The following HTD2 variants were observed in gnomAD, a reference collection of about 807,000 sequenced individuals.
The protein encoded by HTD2 is hydroxyacyl-thioester dehydratase type 2, also known as hydroxyacyl-thioester dehydratase type 2, mitochondrial.
Under a neutral mutation model 3.1 loss-of-function variants are expected in HTD2, and 1 was observed. The ratio of observed to expected loss-of-function variants is 0.32; its 90% CI spans 0.11 to 1.52. The LOEUF is 1.52. Among genes scored for constraint, HTD2 ranks in the 40% most tolerant of loss-of-function variants. The pLI is 0.39. For missense variants in HTD2, 150 were observed against 79.6 expected (o/e 1.88, Z -3.36); for synonymous variants, 50 against 28.9 (o/e 1.73, Z -2.34).
In HTD2 at chr3:58,318,755, T is replaced by C. The variant is rs2097491210; in HGVS notation, c.*635T>C. On this transcript the variant is annotated 3_prime_UTR_variant, in exon 5 of 5. Coordinates refer to ENST00000461393, the MANE Select transcript of HTD2 (RefSeq NM_001348712.2). ...CAGCTCACGCCTGTAATCCCAGCAT[T>C]TTGGGAGGCTGAGGCAGGCGAATCA... The C allele has an allele frequency of 6.6e-6, 1 of 151,656 alleles. No homozygotes were observed. The highest frequency in any genetic ancestry group is 1.5e-5 in the Non-Finnish European group (1 of 67,998). The allele number at this position is 151,656 out of a possible 1,614,324, so 9.4% of individuals were successfully genotyped here.
In HTD2 at chr3:58,319,924, A is replaced by AT. The variant is rs1428969695; in HGVS notation, c.*1810dup. The AT allele has an allele frequency of 5.9e-5, 9 of 152,080 alleles. No homozygotes were observed. Among genetic ancestry groups the AT allele is most frequent in the Non-Finnish European group, 1.2e-4 (8 of 68,018 alleles). 9.4% of individuals were successfully genotyped at this position (152,080 alleles called of 1,614,324 possible). ...AAGTTGTACAACCATCACCAAATCA[A>AT]TTTTTTATAGCATTTTTCATCACCC... On this transcript the variant is annotated 3_prime_UTR_variant, in exon 5 of 5. Transcript: ENST00000461393.
chr3:58,314,372 A>G (rs1220196390), intron 2 of HTD2, among the ~76,000 whole-genome samples: 1 of 152,204 alleles, frequency 6.6e-6, no homozygotes, highest in East Asian at 1.9e-4. Context: ...AGTAATAATA[A>G]TAAAAAAGAA....
chr3:58,315,479 A>G (rs964379631), intron 2 of HTD2, among the ~76,000 whole-genome samples: 1 of 152,140 alleles, frequency 6.6e-6, no homozygotes, highest in Non-Finnish European at 1.5e-5. Flanking sequence ...ATATGAAGCT[A>G]CCTATGTGGG....
Position 58,310,698 on chromosome 3 carries a change from G to A in HTD2, c.-331+107G>A, listed in dbSNP as rs563314568. The A allele has an allele frequency of 6.1e-5, 51 of 836,420 alleles. 1 individual carries two copies. In the Admixed American group the frequency reaches 8.5e-4, roughly 14 times the overall value. The allele number at this position is 836,420 out of a possible 1,614,324, so 51.8% of individuals were successfully genotyped here. A position where few individuals can be genotyped will look rare whatever the true frequency, so the allele number is the denominator to read the frequency against. ...CTGTAATCCCAGCACTTTGGAGGCC[G>A]AGGTGGGCAGATCATGAGGTCAAGA... is the stretch of plus-strand genomic sequence containing the variant. On this transcript the variant is annotated intron_variant, in intron 2 of 4. Coordinates refer to ENST00000461393, the MANE Select transcript of HTD2 (RefSeq NM_001348712.2).
Position 58,309,870 on chromosome 3 carries a change from C to A in HTD2, c.-415-637C>A, listed in dbSNP as rs188908638. Among the ~76,000 whole-genome samples, 178 of 151,466 alleles carry A rather than the reference C, an allele frequency of 1.2e-3. 1 individual carries two copies. The highest frequency in any genetic ancestry group is 9.2e-3 in the Admixed American group (139 of 15,182). On this transcript the variant is annotated intron_variant, in intron 1 of 4. Transcript: ENST00000461393. Reference sequence around the variant, plus strand: ...TTGTGCCACTGCACTCCAGCCTGGGCGACAGAGCAAGACTCCTTCTCCAAA... The same window carrying A: ...TTGTGCCACTGCACTCCAGCCTGGGAGACAGAGCAAGACTCCTTCTCCAAA...
chr3:58,316,675 A>G, intron 3 of HTD2, 84 bp downstream of exon 3: 1 of 1,277,802 alleles, frequency 7.8e-7, no homozygotes, highest in Non-Finnish European at 1.1e-6. Flanking sequence ...GAATGAGAAT[A>G]AATTTTTTGT....
Position 58,318,084 on chromosome 3 carries a change from G to T in HTD2, c.471G>T (p.Trp157Cys), listed in dbSNP as rs1336381003. 1.9e-5 allele frequency: 13 copies of T among 671,682 alleles called. No individual in the cohort carries two copies. The highest frequency in any genetic ancestry group is 3.2e-5 in the Non-Finnish European group (12 of 373,708). 41.6% of individuals were successfully genotyped at this position (671,682 alleles called of 1,614,324 possible). ...GTAAAAAGACTGTTATGGAAGGCTGGGTTAAAGTTATGGTTCCAGAAGCTT... is the reference window on the plus strand; with the variant it reads ...GTAAAAAGACTGTTATGGAAGGCTGTGTTAAAGTTATGGTTCCAGAAGCTT... ...IESKKTVMEG[W>C]VKVMVPEASK... is the part of the protein sequence containing the mutation. The change falls in exon 5 of 5, where the codon TGG becomes TGT. Residue 157 changes from tryptophan (W) to cysteine (C), a missense_variant. Transcript: ENST00000461393.
At chr3:58,310,485 T>C (rs1421465643) in intron 1 of HTD2, 22 bp from the exon 2 acceptor site, 1 of 1,599,050 alleles carries the variant, frequency 6.3e-7, no homozygotes, top group Middle Eastern at 1.7e-4. Context: ...AATATGACTT[T>C]TTTTTTTTTC....
Position 58,320,191 on chromosome 3 carries a change from A to G in HTD2, c.*2071A>G, listed in dbSNP as rs935514692. ...GAATAATATTCCATTGTATTTACCC[A>G]TACATCAGTTGATATTTGGATTATT... is the stretch of plus-strand genomic sequence containing the variant. On this transcript the variant is annotated 3_prime_UTR_variant, in exon 5 of 5. Transcript: ENST00000461393. 6.6e-6 allele frequency: 1 copy of G among 152,124 alleles called. No individual in the cohort carries two copies. The highest frequency in any genetic ancestry group is 2.4e-5 in the African/African-American group (1 of 41,436). The allele number at this position is 152,124 out of a possible 1,614,324, so 9.4% of individuals were successfully genotyped here. A position where few individuals can be genotyped will look rare whatever the true frequency, so the allele number is the denominator to read the frequency against.
At chr3:58,314,247 AG>A (rs2097485594) in intron 2 of HTD2, among the ~76,000 whole-genome samples, 1 of 152,198 alleles carries the variant, frequency 6.6e-6, no homozygotes, top group South Asian at 2.1e-4. Context: ...GCTACTCGGG[AG>A]GTTAAGGCAG....
chr3:58,306,574 G>C lies in HTD2; in HGVS notation c.-493G>C, dbSNP rs1268233953. 2 of 152,238 alleles carry C rather than the reference G, an allele frequency of 1.3e-5. No individual in the cohort carries two copies. Among genetic ancestry groups the C allele is most frequent in the Non-Finnish European group, 1.5e-5 (1 of 68,040 alleles). The allele number at this position is 152,238 out of a possible 1,614,324, so 9.4% of individuals were successfully genotyped here. A position where few individuals can be genotyped will look rare whatever the true frequency, so the allele number is the denominator to read the frequency against. On this transcript the variant is annotated 5_prime_UTR_variant, in exon 1 of 5. Transcript: ENST00000461393. The stretch of plus-strand genomic sequence containing the variant: ...TCTGTACGGCGCCGCGTAGGGTCTC[G>C]GCCGCAGAACGTGGCCGAGAGGCCC...
At chr3:58,308,239 T>G (rs2097477809) in intron 1 of HTD2, among the ~76,000 whole-genome samples, 1 of 152,130 alleles carries the variant, frequency 6.6e-6, no homozygotes, top group African/African-American at 2.4e-5. Context: ...ACTATCACTT[T>G]TCTCTCATTT....
intron 2 of HTD2, among the ~76,000 whole-genome samples, chr3:58,313,818 A>C (rs1171406376): frequency 2.0e-5 from 3 of 152,216 alleles, no homozygotes; most frequent in Non-Finnish European, 4.4e-5. Context: ...GAAAGGATGA[A>C]AAGATGAATT....
intron 2 of HTD2, among the ~76,000 whole-genome samples, chr3:58,312,991 C>T (rs1174611384): frequency 1.5e-5 from 2 of 135,220 alleles, no homozygotes; most frequent in Non-Finnish European, 3.1e-5. Flanking sequence ...GGGCTGGGCA[C>T]GGTAGCTCAC....
rs2107512984 is a variant in HTD2 at position 58,319,296 on chromosome 3, C to G, written c.*1176C>G. 1 of 152,318 alleles carries G rather than the reference C, an allele frequency of 6.6e-6. No homozygotes were observed. Among genetic ancestry groups the G allele is most frequent in the Non-Finnish European group, 1.5e-5 (1 of 68,038 alleles). 9.4% of individuals were successfully genotyped at this position (152,318 alleles called of 1,614,324 possible). On this transcript the variant is annotated 3_prime_UTR_variant, in exon 5 of 5. Transcript: ENST00000461393. ...TTTCAGGGGAGGGGCGTATGTGCAT[C>G]CTCGGTCTCAGTTATGTAAACGGTC...
chr3:58,317,344 G>C, intron 4 of HTD2, 96 bp from the exon 5 acceptor site: 1 of 802,098 alleles, frequency 1.2e-6, no homozygotes, highest in South Asian at 1.7e-5. Context: ...TCCTGCATCA[G>C]CTTTGTTTAT....
chr3:58,313,709 C>T (rs1196940518), intron 2 of HTD2, among the ~76,000 whole-genome samples: 1 of 152,118 alleles, frequency 6.6e-6, no homozygotes, highest in African/African-American at 2.4e-5. Context: ...CTGATAGTCC[C>T]AACTAGTCAG....
In HTD2 at chr3:58,317,993, C is replaced by T; in HGVS notation, c.380C>T (p.Ser127Phe). The T allele has an allele frequency of 1.4e-6, 1 of 702,884 alleles. No homozygotes were observed. The allele number at this position is 702,884 out of a possible 1,614,324, so 43.5% of individuals were successfully genotyped here. The part of the protein sequence containing the change: ...PLYIGEVVLA[S>F]AEVKKLKRFI... ...TATATTGGAGAAGTTGTTTTAGCTT[C>T]TGCAGAAGTGAAAAAGCTGAAGCGG... The change falls in exon 5 of 5, where the codon TCT becomes TTT. Residue 127 changes from serine (S) to phenylalanine (F), a missense_variant. Ser to Phe is a radical substitution (Grantham distance 155). Coordinates refer to ENST00000461393, the MANE Select transcript of HTD2 (RefSeq NM_001348712.2).
In HTD2 at chr3:58,310,533, T is replaced by C. The variant is rs2097481051; in HGVS notation, c.-389T>C. The C allele has an allele frequency of 6.2e-7, 1 of 1,612,150 alleles. No homozygotes were observed. The highest frequency in any genetic ancestry group is 8.5e-7 in the Non-Finnish European group (1 of 1,179,512). On this transcript the variant is annotated 5_prime_UTR_variant, in exon 2 of 5. An upstream open reading frame in the 5' UTR loses its in-frame stop. Transcript: ENST00000461393. Reference sequence around the variant, plus strand: ...GAATTTCAAGATTGTGGAGTTGGACTGAATGCTGCACAGTTCAAACAGCTG... The same window carrying C: ...GAATTTCAAGATTGTGGAGTTGGACCGAATGCTGCACAGTTCAAACAGCTG...
Sources: allele counts gnomAD v4.1 joint callset (sites outside exome capture counted in the v4.1 genomes callset), GRCh38; gene constraint gnomAD v4.1.1; transcripts MANE v1.5; gene names NCBI Gene and HGNC (gene_info 2026-07-23, HGNC 2026-07-21).